VKORC1L1: variants seen among roughly 807,000 people sequenced by gnomAD.
The protein encoded by VKORC1L1 is vitamin K epoxide reductase complex subunit 1-like protein 1.
VKORC1L1 carries 2 observed loss-of-function variants against 18.9 expected under a neutral mutation model. The observed-to-expected ratio is 0.11, with a 90% CI of 0.04 to 0.33. The LOEUF is 0.33. Ranked by LOEUF, VKORC1L1 falls within the 10% of genes least tolerant of loss-of-function variation. VKORC1L1 has a pLI of 1.00. For missense variants in VKORC1L1, 123 were observed against 224.1 expected (o/e 0.55, Z 2.88); for synonymous variants, 96 against 100.0 (o/e 0.96, Z 0.24).
intron 1 of VKORC1L1, among the ~76,000 whole-genome samples, chr7:65,897,351 G>A (rs928214706): frequency 9.2e-5 from 14 of 152,234 alleles, no homozygotes; most frequent in African/African-American, 2.7e-4. Context: ...TGACTAAGGT[G>A]TAGGAAGATA....
At chr7:65,949,272 G>A (rs1182050013) in intron 2 of VKORC1L1, among the ~76,000 whole-genome samples, 2 of 152,000 alleles carry the variant, frequency 1.3e-5, no homozygotes, top group Admixed American at 6.6e-5. Flanking sequence ...CTGAGGTTGG[G>A]AGTTCGAGAC....
At chr7:65,943,640 A>C (rs1790071817) in intron 1 of VKORC1L1, among the ~76,000 whole-genome samples, 1 of 152,030 alleles carries the variant, frequency 6.6e-6, no homozygotes, top group Non-Finnish European at 1.5e-5. Flanking sequence ...CTAAAAATGC[A>C]AAAAAATTAG....
At chr7:65,925,379 TAC>T (rs1789745298) in intron 1 of VKORC1L1, among the ~76,000 whole-genome samples, 1 of 152,166 alleles carries the variant, frequency 6.6e-6, no homozygotes, top group Non-Finnish European at 1.5e-5. Context: ...TCTAAACTGT[TAC>T]AGTCTCCGAG....
chr7:65,951,357 C>T (rs1197493930), intron 2 of VKORC1L1, among the ~76,000 whole-genome samples: 2 of 152,066 alleles, frequency 1.3e-5, no homozygotes, highest in African/African-American at 2.4e-5. Context: ...GGGTGGATCA[C>T]GAGGTCAGGA....
In VKORC1L1 at chr7:65,940,323, C is replaced by T. The variant is rs189494247; in HGVS notation, c.195-8348C>T. The stretch of plus-strand genomic sequence containing the variant: ...ATAAGCCATCACACCTAGCCAGAAA[C>T]TTATTTTTAATGTATAATTACATAC... On this transcript the variant is annotated intron_variant, in intron 1 of 2. Coordinates refer to ENST00000360768, the MANE Select transcript of VKORC1L1 (RefSeq NM_173517.6). Among the ~76,000 whole-genome samples the T allele has an allele frequency of 2.0e-3, 305 of 152,250 alleles. 1 individual carries two copies. The highest frequency in any genetic ancestry group is 6.7e-3 in the African/African-American group (277 of 41,544).
At chr7:65,886,844 T>TTTG (rs1789022347) in intron 1 of VKORC1L1, among the ~76,000 whole-genome samples, 1 of 134,282 alleles carries the variant, frequency 7.4e-6, no homozygotes, top group Admixed American at 7.5e-5. Flanking sequence ...TCCGAGTTTT[T>TTTG]TTTTTTTTTT....
At chr7:65,910,353 C>G (rs1789483283) in intron 1 of VKORC1L1, among the ~76,000 whole-genome samples, 1 of 120,536 alleles carries the variant, frequency 8.3e-6, no homozygotes, top group African/African-American at 2.9e-5. Flanking sequence ...TTTAGTTCAA[C>G]TGACATTTTT....
intron 1 of VKORC1L1, among the ~76,000 whole-genome samples, chr7:65,935,053 CAA>C (rs551047338): frequency 9.8e-4 from 57 of 58,432 alleles, no homozygotes; most frequent in African/African-American, 1.9e-3. Context: ...GATTACATCT[CAA>C]AAAAAAAAAA....
chr7:65,900,571 G>A (rs1583835132), intron 1 of VKORC1L1, among the ~76,000 whole-genome samples: 1 of 152,286 alleles, frequency 6.6e-6, no homozygotes, highest in African/African-American at 2.4e-5. Flanking sequence ...GGGAGGCTGA[G>A]GCTGGTGGAT....
chr7:65,910,015 C>T (rs1172634025), intron 1 of VKORC1L1, among the ~76,000 whole-genome samples: 2 of 152,100 alleles, frequency 1.3e-5, no homozygotes, highest in Admixed American at 6.6e-5. Flanking sequence ...CGTGCCTGGC[C>T]TTGTTTTTGC....
chr7:65,916,685 A>G (rs549922045), intron 1 of VKORC1L1, among the ~76,000 whole-genome samples: 1 of 150,608 alleles, frequency 6.6e-6, no homozygotes, highest in Admixed American at 6.6e-5. Flanking sequence ...TGCAACCTCC[A>G]CCTCCCAGGT....
chr7:65,953,364 A>G (rs1790244064), intron 2 of VKORC1L1, among the ~76,000 whole-genome samples: 1 of 152,232 alleles, frequency 6.6e-6, no homozygotes, highest in Admixed American at 6.5e-5. Flanking sequence ...GGATGTAGTG[A>G]AAGTCCAGAG....
At chr7:65,869,282 C>A (rs1788696230), upstream of VKORC1L1, among the ~76,000 whole-genome samples, 1 of 151,878 alleles carries the variant, frequency 6.6e-6, no homozygotes, top group Admixed American at 6.6e-5. Flanking sequence ...CCACTGCACT[C>A]CAGCCTGCGT....
chr7:65,902,570 G>A (rs2116395883), intron 1 of VKORC1L1, among the ~76,000 whole-genome samples: 1 of 151,906 alleles, frequency 6.6e-6, no homozygotes, highest in East Asian at 1.9e-4. Context: ...GGAAAGGGGA[G>A]AACAGAAAAA....
At chr7:65,898,598 T>C (rs1789257952) in intron 1 of VKORC1L1, among the ~76,000 whole-genome samples, 1 of 152,220 alleles carries the variant, frequency 6.6e-6, no homozygotes, top group Non-Finnish European at 1.5e-5. Context: ...TAACACTGGC[T>C]GTCTCTGAGG....
At chr7:65,945,856 A>G (rs1376932187) in intron 1 of VKORC1L1, among the ~76,000 whole-genome samples, 1 of 152,152 alleles carries the variant, frequency 6.6e-6, no homozygotes, top group Non-Finnish European at 1.5e-5. Context: ...TGCTTTGAAT[A>G]TATAAAAATT....
chr7:65,878,246 G>A (rs973664277), intron 1 of VKORC1L1, among the ~76,000 whole-genome samples: 23 of 151,890 alleles, frequency 1.5e-4, no homozygotes, highest in African/African-American at 3.6e-4. Context: ...AGGAGTTTGA[G>A]ACCAGCCTGG....
At chr7:65,868,093 T>G (rs929988949), upstream of VKORC1L1, among the ~76,000 whole-genome samples, 15 of 152,088 alleles carry the variant, frequency 9.9e-5, no homozygotes, top group Admixed American at 9.8e-4. Context: ...GTGATTCACC[T>G]GCCTAGGCCT....
intron 1 of VKORC1L1, among the ~76,000 whole-genome samples, chr7:65,877,591 G>C (rs1467245753): frequency 6.6e-6 from 1 of 152,098 alleles, no homozygotes; most frequent in African/African-American, 2.4e-5. Context: ...CAGGTGATCT[G>C]CCTGCCTCAG....
Sources: allele counts gnomAD v4.1 joint callset (sites outside exome capture counted in the v4.1 genomes callset), GRCh38; gene constraint gnomAD v4.1.1; transcripts MANE v1.5; gene names NCBI Gene and HGNC (gene_info 2026-07-23, HGNC 2026-07-21).